Variants in ANKRD33B observed in about 807,000 individuals in gnomAD.
The protein encoded by ANKRD33B is ankyrin repeat domain-containing protein 33B.
ANKRD33B carries 6 observed loss-of-function variants against 21.5 expected under a neutral mutation model. The observed-to-expected ratio is 0.28, with a 90% CI of 0.15 to 0.55. The LOEUF is 0.55. Ranked by LOEUF, ANKRD33B falls within the 20% of genes least tolerant of loss-of-function variation. ANKRD33B has a pLI of 0.94. For synonymous variants in ANKRD33B, 347 were observed against 342.4 expected (o/e 1.01, Z -0.15); for missense variants, 698 against 747.2 (o/e 0.93, Z 0.77).
Position 10,619,395 on chromosome 5 carries a change from T to C in ANKRD33B, c.496+933T>C. 1.0e-6 allele frequency: 1 copy of C among 985,238 alleles called. No individual in the cohort carries two copies. 61.0% of individuals were successfully genotyped at this position (985,238 alleles called of 1,614,324 possible). A position where few individuals can be genotyped will look rare whatever the true frequency, so the allele number is the denominator to read the frequency against. ...GACCACACTGTATGTTGATTCTGGT[T>C]GGGAAATGGCTGTTGCTGTCACCAA... On this transcript the variant is annotated intron_variant, in intron 2 of 3. Coordinates refer to ENST00000296657, the MANE Select transcript of ANKRD33B (RefSeq NM_001164440.2). This position sits in a 1 kb window ranked among gnomAD's most constrained non-coding sequence, Gnocchi z 4.5.
In ANKRD33B at chr5:10,589,092, G is replaced by A. The variant is rs906402503; in HGVS notation, c.366+24259G>A. Among the ~76,000 whole-genome samples the A allele has an allele frequency of 5.3e-5, 8 of 152,088 alleles. No homozygotes were observed. The East Asian group carries it at 9.7e-4, about 18-fold the overall frequency. On this transcript the variant is annotated intron_variant, in intron 1 of 3. Transcript: ENST00000296657. ...CCACATTACTTCTGCTTTAAGCCTCGGGAACCTGATAAGGTAACCCCCGAG... is the reference window on the plus strand; with the variant it reads ...CCACATTACTTCTGCTTTAAGCCTCAGGAACCTGATAAGGTAACCCCCGAG...
chr5:10,604,190 CTTT>C (rs374461177), intron 1 of ANKRD33B, among the ~76,000 whole-genome samples: 8 of 99,360 alleles, frequency 8.1e-5, no homozygotes, highest in African/African-American at 1.9e-4. Flanking sequence ...CCGCGCCTGG[CTTT>C]TTTTTTTTTT....
intron 2 of ANKRD33B, among the ~76,000 whole-genome samples, chr5:10,633,818 T>C (rs747295559): frequency 2.6e-5 from 4 of 152,188 alleles, no homozygotes; most frequent in Non-Finnish European, 5.9e-5. Flanking sequence ...ACTGGAGTTA[T>C]GAGTTTTTGG....
At position 10,650,378 on chromosome 5, in the gene ANKRD33B, A is replaced by G. The variant is rs1292543218; in HGVS notation, c.*265A>G. 4 of 294,064 alleles carry G rather than the reference A, an allele frequency of 1.4e-5. No homozygotes were observed. The highest frequency in any genetic ancestry group is 5.6e-5 in the East Asian group (1 of 17,786). 18.2% of individuals were successfully genotyped at this position (294,064 alleles called of 1,614,324 possible). A position where few individuals can be genotyped will look rare whatever the true frequency, so the allele number is the denominator to read the frequency against. On this transcript the variant is annotated 3_prime_UTR_variant, in exon 4 of 4. Transcript: ENST00000296657. ...AAAAGGCTCCCTTTAGAGAACCTCA[A>G]TTAAGATTTTTTTTAAAGATCAATT...
chr5:10,566,133 A>C (rs1243641559), intron 1 of ANKRD33B, among the ~76,000 whole-genome samples: 1 of 152,056 alleles, frequency 6.6e-6, no homozygotes, highest in African/African-American at 2.4e-5. Flanking sequence ...ACACAGCCAA[A>C]CCATATCACA....
chr5:10,590,900 C>T (rs1735670767), intron 1 of ANKRD33B, among the ~76,000 whole-genome samples: 1 of 152,030 alleles, frequency 6.6e-6, no homozygotes, highest in Non-Finnish European at 1.5e-5. Context: ...ATCAGGCCTG[C>T]AAGTCCTGGT....
At chr5:10,574,259 T>C (rs1172892024) in intron 1 of ANKRD33B, among the ~76,000 whole-genome samples, 1 of 152,280 alleles carries the variant, frequency 6.6e-6, no homozygotes, top group Non-Finnish European at 1.5e-5. Context: ...TTCTTTTACA[T>C]ATGGAATTAT....
chr5:10,604,583 C>T (rs891051977), intron 1 of ANKRD33B, among the ~76,000 whole-genome samples: 1 of 151,188 alleles, frequency 6.6e-6, no homozygotes, highest in African/African-American at 2.4e-5. Flanking sequence ...TAGTGAAGTC[C>T]AGAGAGGAGA....
intron 1 of ANKRD33B, among the ~76,000 whole-genome samples, chr5:10,590,357 G>T (rs929689530): frequency 2.0e-5 from 3 of 152,232 alleles, no homozygotes; most frequent in Admixed American, 2.0e-4. Flanking sequence ...TGGGACAGAA[G>T]ATTGCAGTCT....
intron 1 of ANKRD33B, among the ~76,000 whole-genome samples, chr5:10,590,731 A>G (rs1579720397): frequency 7.9e-5 from 12 of 151,816 alleles, no homozygotes; most frequent in Admixed American, 6.6e-4. Flanking sequence ...CTCCCTGCAA[A>G]CCCTCGAGAG....
intron 3 of ANKRD33B, among the ~76,000 whole-genome samples, chr5:10,648,175 A>C (rs1737233797): frequency 6.6e-6 from 1 of 152,218 alleles, no homozygotes; most frequent in Admixed American, 6.5e-5. Flanking sequence ...TTGAGCAAAC[A>C]AAAATGAATT....
intron 1 of ANKRD33B, among the ~76,000 whole-genome samples, chr5:10,585,742 G>A (rs1041402057): frequency 4.6e-5 from 7 of 152,212 alleles, no homozygotes; most frequent in East Asian, 1.9e-4. Context: ...GGGTGAGGGC[G>A]CTGTGCCAAT....
At position 10,624,050 on chromosome 5, in the gene ANKRD33B, G is replaced by A. The variant is rs1197317892; in HGVS notation, c.496+5588G>A. 2.0e-5 allele frequency among the ~76,000 whole-genome samples: 3 copies of A among 151,808 alleles called. No individual in the cohort carries two copies. In the East Asian group the frequency reaches 5.8e-4, roughly 29 times the overall value. On this transcript the variant is annotated intron_variant, in intron 2 of 3. Transcript: ENST00000296657. The stretch of plus-strand genomic sequence containing the variant: ...TTTGATGCCTAGATGGGTTTACTCT[G>A]CCTTTTCAATTTAAATAAAATCATT...
At chr5:10,601,433 T>C (rs965157653) in intron 1 of ANKRD33B, among the ~76,000 whole-genome samples, 3 of 152,162 alleles carry the variant, frequency 2.0e-5, no homozygotes, top group African/African-American at 7.2e-5. Flanking sequence ...CCTCCCACCA[T>C]TGCTTGGCTA....
At chr5:10,622,460 T>C (rs1370913217) in intron 2 of ANKRD33B, among the ~76,000 whole-genome samples, 1 of 152,260 alleles carries the variant, frequency 6.6e-6, no homozygotes, top group Non-Finnish European at 1.5e-5. Flanking sequence ...ATTGGTCTTA[T>C]AGCACCATAT....
intron 1 of ANKRD33B, among the ~76,000 whole-genome samples, chr5:10,615,580 T>C (rs549198779): frequency 3.0e-4 from 45 of 152,244 alleles, no homozygotes; most frequent in Non-Finnish European, 5.0e-4. Context: ...CTAAGACATA[T>C]AGCAAATGGT....
At chr5:10,647,853 A>C (rs1737224278) in intron 3 of ANKRD33B, among the ~76,000 whole-genome samples, 1 of 152,226 alleles carries the variant, frequency 6.6e-6, no homozygotes, top group African/African-American at 2.4e-5. Flanking sequence ...CGCATTATGA[A>C]GGGTAATCTC....
Position 10,649,495 on chromosome 5 carries a change from C to T in ANKRD33B, c.867C>T (p.Ser289=). ...CLQRLTDCVL[S]VLTPRSVRGP... Reference sequence around the variant, plus strand: ...AGAGGCTCACAGACTGCGTGCTGTCCGTGCTGACGCCGCGCTCCGTGCGGG... The same window carrying T: ...AGAGGCTCACAGACTGCGTGCTGTCTGTGCTGACGCCGCGCTCCGTGCGGG... The change falls in exon 4 of 4, where the codon TCC becomes TCT. Residue 289 remains serine, a synonymous_variant. Transcript: ENST00000296657. The T allele has an allele frequency of 1.3e-6, 2 of 1,534,886 alleles. No homozygotes were observed. The highest frequency in any genetic ancestry group is 8.7e-7 in the Non-Finnish European group (1 of 1,146,232).
At chr5:10,575,357 C>T (rs899837548) in intron 1 of ANKRD33B, among the ~76,000 whole-genome samples, 3 of 147,232 alleles carry the variant, frequency 2.0e-5, no homozygotes, top group Admixed American at 6.9e-5. Flanking sequence ...ACCAGGGAGG[C>T]GGAGGTTGCA....
Sources: gnomAD v4.1 joint callset for allele counts (sites outside exome capture counted in the v4.1 genomes callset) on GRCh38, gnomAD v4.1.1 for gene constraint, Gnocchi (gnomAD v3.1) non-coding constraint, MANE v1.5 for transcripts, NCBI Gene and HGNC (gene_info 2026-07-23, HGNC 2026-07-21) for gene names.